The following PLS3 variants were observed in gnomAD, a reference collection of about 807,000 sequenced individuals.
The protein encoded by PLS3 is plastin 3, also known as plastin-3.
A neutral mutation model predicts 46.5 loss-of-function variants in PLS3; 11 were observed. The observed-to-expected ratio is 0.24, with a 90% CI of 0.15 to 0.39. The LOEUF (loss-of-function observed/expected upper bound fraction) is 0.39, where lower values mean the gene tolerates loss of function less well. PLS3 is among the 10% of genes least tolerant of loss of function. The pLI, the probability that PLS3 is intolerant of heterozygous loss-of-function variation, is 1.00. For missense variants in PLS3, 308 were observed against 461.8 expected (o/e 0.67, Z 3.05); for synonymous variants, 167 against 162.2 (o/e 1.03, Z -0.22).
intron 1 of PLS3, among the ~76,000 whole-genome samples, chrX:115,582,432 G>A (rs782455348): frequency 6.3e-4 from 71 of 112,382 alleles, no homozygotes; most frequent in Non-Finnish European, 1.1e-3. Context: ...GTCTGTAGTA[G>A]TCTGATCCAG....
chrX:115,582,558 G>A (rs2074285053), intron 1 of PLS3, among the ~76,000 whole-genome samples: 1 of 111,709 alleles, frequency 9.0e-6, no homozygotes, highest in African/African-American at 3.3e-5. Context: ...ACATTTGAAT[G>A]GTAAGGGCAT....
At chrX:115,629,360 T>C in intron 4 of PLS3, 33 bp downstream of exon 4, 2 of 1,134,120 alleles carry the variant, frequency 1.8e-6, no homozygotes, top group South Asian at 2.0e-5. Context: ...GTTAACACAA[T>C]GTGCTAAGTG....
intron 7 of PLS3, among the ~76,000 whole-genome samples, chrX:115,636,205 CTTTTT>C (rs1403487429): frequency 1.2e-5 from 1 of 84,185 alleles, no homozygotes. Context: ...AAATCCCTGA[CTTTTT>C]TTTTTTTTTT....
At chrX:115,642,282 CTT>C (rs782750714) in intron 9 of PLS3, among the ~76,000 whole-genome samples, 72 of 111,046 alleles carry the variant, frequency 6.5e-4, no homozygotes, top group African/African-American at 2.2e-3. Flanking sequence ...TTCGTCCTAA[CTT>C]TTTTAATCCT....
intron 3 of PLS3, among the ~76,000 whole-genome samples, chrX:115,624,579 G>A (rs1556638212): frequency 1.8e-5 from 2 of 112,206 alleles, no homozygotes; most frequent in Non-Finnish European, 3.8e-5. Context: ...AATAGGATTT[G>A]CAGTGTGTCA....
intron 7 of PLS3, 52 bp from the exon 8 acceptor site, chrX:115,636,784 G>T: frequency 9.1e-7 from 1 of 1,093,841 alleles, no homozygotes; most frequent in South Asian, 2.1e-5. Flanking sequence ...AACTTGGCAT[G>T]ACCATTATTG....
intron 15 of PLS3, 149 bp downstream of exon 15, chrX:115,648,166 A>G: frequency 2.3e-6 from 1 of 434,357 alleles, no homozygotes; most frequent in Non-Finnish European, 3.9e-6. Context: ...ACTGGGGGCA[A>G]TAATACTTAC....
intron 8 of PLS3, among the ~76,000 whole-genome samples, chrX:115,638,380 A>G (rs1434722382): frequency 4.5e-5 from 5 of 111,634 alleles, no homozygotes; most frequent in Non-Finnish European, 7.5e-5. Flanking sequence ...AAGTGCTGGG[A>G]TTACAGGCAT....
At chrX:115,589,972 C>T (rs2074334035) in intron 1 of PLS3, among the ~76,000 whole-genome samples, 1 of 111,803 alleles carries the variant, frequency 8.9e-6, no homozygotes, top group South Asian at 3.8e-4. Flanking sequence ...TGTTCTCCTG[C>T]CTCAGCCTCC....
chrX:115,592,347 C>T (rs781864382), intron 1 of PLS3, among the ~76,000 whole-genome samples: 1 of 111,539 alleles, frequency 9.0e-6, no homozygotes, highest in African/African-American at 3.3e-5. Flanking sequence ...TGGGTCATCC[C>T]GTGGACCTTG....
At chrX:115,646,217 T>TA (rs782617853) in intron 12 of PLS3, 31 bp downstream of exon 12, 4 of 909,967 alleles carry the variant, frequency 4.4e-6, no homozygotes, top group South Asian at 2.2e-5. Context: ...ATATATTTGT[T>TA]AGAGTATTTT....
At chrX:115,625,778 A>G (rs1402463229) in intron 3 of PLS3, among the ~76,000 whole-genome samples, 1 of 111,663 alleles carries the variant, frequency 9.0e-6, no homozygotes, top group Non-Finnish European at 1.9e-5. Flanking sequence ...CTTAAGTCAT[A>G]TGCCTCTGGA....
chrX:115,575,593 G>A (rs898464370), intron 1 of PLS3, among the ~76,000 whole-genome samples: 19 of 111,277 alleles, frequency 1.7e-4, no homozygotes, highest in East Asian at 5.7e-4. Flanking sequence ...ACAGGCGCCC[G>A]CCACCACACC....
rs782033297 is a variant in PLS3, at chrX:115,646,434, G to A, written c.1410G>A (p.Gly470=). The A allele has an allele frequency of 1.7e-6, 2 of 1,209,457 alleles. No individual in the cohort carries two copies. Among genetic ancestry groups the A allele is most frequent in the Non-Finnish European group, 2.2e-6 (2 of 893,488 alleles). Residue 470 remains glycine, a synonymous_variant, in exon 13 of 16, where the codon GGG becomes GGA. Coordinates refer to ENST00000355899, the MANE Select transcript of PLS3 (RefSeq NM_005032.7). ...LENCNYAVEL[G]KHPAKFSLVG... Reference sequence around the variant, plus strand: ...ACTGCAACTATGCTGTTGAATTAGGGAAGCATCCTGCTAAATTCTCCCTGG... The same window carrying A: ...ACTGCAACTATGCTGTTGAATTAGGAAAGCATCCTGCTAAATTCTCCCTGG...
chrX:115,566,535 C>G (rs1556630133), intron 1 of PLS3, among the ~76,000 whole-genome samples: 1 of 110,470 alleles, frequency 9.1e-6, no homozygotes, highest in Non-Finnish European at 1.9e-5. Context: ...ACTACAGGCG[C>G]CCGCCACTGT....
At chrX:115,620,062 C>A (rs782175970) in intron 2 of PLS3, among the ~76,000 whole-genome samples, 19 of 110,512 alleles carry the variant, frequency 1.7e-4, no homozygotes, top group Middle Eastern at 9.3e-3. Context: ...ATTTTTAATC[C>A]CCCAGAGCAT....
chrX:115,595,189 T>A lies in PLS3; in HGVS notation c.-8-15054T>A, dbSNP rs2074376332. On this transcript the variant is annotated intron_variant, in intron 1 of 15. Transcript: ENST00000355899. Reference sequence around the variant, plus strand: ...TTTAAATAGCCATTGCTTTCAGATCTTATCTTTGTTTATTAAGTATAAAAA... The same window carrying A: ...TTTAAATAGCCATTGCTTTCAGATCATATCTTTGTTTATTAAGTATAAAAA... 1.8e-5 allele frequency among the ~76,000 whole-genome samples: 2 copies of A among 111,874 alleles called. 1 individual carries two copies. The highest frequency in any genetic ancestry group is 7.4e-4 in the South Asian group (2 of 2,704).
chrX:115,567,176 T>G (rs1178072275), intron 1 of PLS3, among the ~76,000 whole-genome samples: 1 of 111,788 alleles, frequency 8.9e-6, no homozygotes, highest in African/African-American at 3.3e-5. Context: ...AGGTTTCGTG[T>G]AAAAAACCTC....
At chrX:115,617,136 A>G (rs2074605747) in intron 2 of PLS3, among the ~76,000 whole-genome samples, 1 of 111,636 alleles carries the variant, frequency 9.0e-6, no homozygotes, top group Non-Finnish European at 1.9e-5. Flanking sequence ...GTCTTCCCAC[A>G]GGGTAGGTAC....
Sources: gnomAD v4.1 joint callset for allele counts (sites outside exome capture counted in the v4.1 genomes callset) on GRCh38, gnomAD v4.1.1 for gene constraint, MANE v1.5 for transcripts, NCBI Gene and HGNC (gene_info 2026-07-23, HGNC 2026-07-21) for gene names.